Variants in PLXNA4 observed in about 807,000 individuals in gnomAD.
PLXNA4 encodes the protein plexin A4.
Under a neutral mutation model 191.8 loss-of-function variants are expected in PLXNA4, and 44 were observed. The observed-to-expected ratio is 0.23, with a 90% confidence interval of 0.18 to 0.29. The LOEUF is 0.29. PLXNA4 is among the 10% of genes least tolerant of loss of function. PLXNA4 has a pLI of 1.00. For synonymous variants in PLXNA4, 1,082 were observed against 1,009.5 expected (o/e 1.07, Z -1.36); for missense variants, 1,800 against 2,488.8 (o/e 0.72, Z 5.89).
chr7:132,191,165 T>C (rs111317882), intron 14 of PLXNA4, among the ~76,000 whole-genome samples: 3,950 of 152,068 alleles, frequency 0.026, 73 homozygotes, highest in South Asian at 0.055. Context: ...TTGGCTCTTC[T>C]TGAGGTGGCG....
At chr7:132,373,588 G>A (rs75580153) in intron 3 of PLXNA4, among the ~76,000 whole-genome samples, 2,068 of 152,242 alleles carry the variant, frequency 0.014, 42 homozygotes, top group African/African-American at 0.047. Flanking sequence ...CTCTAAAGCT[G>A]GGGAGTCTAC....
At chr7:132,352,715 C>A (rs143362291) in intron 3 of PLXNA4, among the ~76,000 whole-genome samples, 1 of 152,120 alleles carries the variant, frequency 6.6e-6, no homozygotes, top group African/African-American at 2.4e-5. Context: ...CATCCTCCTA[C>A]GTAAAATAGG....
intron 28 of PLXNA4, 64 bp from the exon 29 acceptor site, chr7:132,145,352 A>C: frequency 5.0e-6 from 8 of 1,601,644 alleles, no homozygotes; most frequent in Non-Finnish European, 6.8e-6. Context: ...GGCTTTTAAA[A>C]CCTGCCTCAC....
At chr7:132,638,225 A>G (rs1481983600) in intron 2 of PLXNA4, among the ~76,000 whole-genome samples, 1 of 152,228 alleles carries the variant, frequency 6.6e-6, no homozygotes, top group African/African-American at 2.4e-5. Flanking sequence ...GGCAGCTCTC[A>G]TGCCAGGCAC....
rs777244713 is a variant in PLXNA4, at chr7:132,139,858, C to G, written c.5438+741G>C. Among the ~76,000 whole-genome samples, 5 of 152,368 alleles carry G rather than the reference C, an allele frequency of 3.3e-5. No homozygotes were observed. The East Asian group carries it at 9.6e-4, about 29-fold the overall frequency. On this transcript the variant is annotated intron_variant, in intron 30 of 31. Coordinates refer to ENST00000321063, the MANE Select transcript of PLXNA4 (RefSeq NM_020911.2). ...AAAAGGAGCTTATAGTTCCTGTCCT[C>G]TCCCTAGTACAGGGCTTCTGTGATG...
At chr7:132,583,904 G>T (rs1047499919) in intron 2 of PLXNA4, among the ~76,000 whole-genome samples, 9 of 152,188 alleles carry the variant, frequency 5.9e-5, no homozygotes, top group Admixed American at 2.0e-4. Flanking sequence ...GGTTGGGGAG[G>T]GCCAATCGTG....
chr7:132,458,930 G>T (rs945782196), intron 3 of PLXNA4, among the ~76,000 whole-genome samples: 9 of 152,130 alleles, frequency 5.9e-5, no homozygotes, highest in African/African-American at 1.4e-4. Context: ...TGCAAATGAG[G>T]TTTGCCTATT....
chr7:132,263,136 G>T (rs545248945), intron 4 of PLXNA4, among the ~76,000 whole-genome samples: 1 of 152,182 alleles, frequency 6.6e-6, no homozygotes, highest in Non-Finnish European at 1.5e-5. Context: ...GGGAGGCTGA[G>T]CTTCTCCCCT....
chr7:132,611,256 C>T (rs1318014769), intron 2 of PLXNA4, among the ~76,000 whole-genome samples: 2 of 152,184 alleles, frequency 1.3e-5, no homozygotes, highest in Non-Finnish European at 2.9e-5. Flanking sequence ...AACATCTGCT[C>T]CCCAGAAGAT....
At chr7:132,608,230 A>G (rs1176331033) in intron 2 of PLXNA4, among the ~76,000 whole-genome samples, 1 of 152,204 alleles carries the variant, frequency 6.6e-6, no homozygotes, top group Non-Finnish European at 1.5e-5. Context: ...CACCATCACC[A>G]TCATCCTCAT....
intron 1 of PLXNA4, among the ~76,000 whole-genome samples, chr7:132,510,220 T>C (rs1405963187): frequency 6.6e-6 from 1 of 151,868 alleles, no homozygotes; most frequent in East Asian, 1.9e-4. Context: ...ACCTCAAAAG[T>C]AGAGAATGAG....
At chr7:132,555,119 C>G (rs559346003) in intron 1 of PLXNA4, among the ~76,000 whole-genome samples, 1 of 150,188 alleles carries the variant, frequency 6.7e-6, no homozygotes. Context: ...TAAGATATCA[C>G]TCCAGGTCCT....
At chr7:132,159,750 GGGA>G (rs1795893537) in intron 24 of PLXNA4, 118 bp from the exon 25 acceptor site, 3 of 1,500,366 alleles carry the variant, frequency 2.0e-6, no homozygotes, top group Non-Finnish European at 2.7e-6. Context: ...GGATGGGCTA[GGGA>G]GGAGTAGGGT....
intron 2 of PLXNA4, among the ~76,000 whole-genome samples, chr7:132,592,578 C>T (rs537152778): frequency 1.4e-4 from 21 of 149,568 alleles, no homozygotes; most frequent in African/African-American, 4.2e-4. Context: ...ATTAAATTCT[C>T]GTTTAACGAT....
chr7:132,165,375 C>T (rs1796092337), intron 22 of PLXNA4, among the ~76,000 whole-genome samples, 175 bp from the exon 23 acceptor site: 1 of 152,198 alleles, frequency 6.6e-6, no homozygotes, highest in African/African-American at 2.4e-5. Context: ...CTCCTAGACG[C>T]CCCCATAATG....
intron 3 of PLXNA4, among the ~76,000 whole-genome samples, chr7:132,385,916 A>G (rs1423420941): frequency 2.0e-5 from 3 of 152,264 alleles, no homozygotes; most frequent in Non-Finnish European, 4.4e-5. Flanking sequence ...CTGGAATCAC[A>G]TCGTTTTTGA....
At chr7:132,429,283 T>C (rs1399635363) in intron 3 of PLXNA4, among the ~76,000 whole-genome samples, 1 of 152,202 alleles carries the variant, frequency 6.6e-6, no homozygotes, top group Non-Finnish European at 1.5e-5. Context: ...GGGTTACAAT[T>C]CACTGGTCCC....
chr7:132,629,899 G>A (rs945879553), intron 2 of PLXNA4, among the ~76,000 whole-genome samples: 2 of 151,952 alleles, frequency 1.3e-5, no homozygotes, highest in Admixed American at 1.3e-4. Flanking sequence ...ACCCAGGCTG[G>A]AGTGCAGTGG....
At chr7:132,367,327 A>G (rs1804226973) in intron 3 of PLXNA4, among the ~76,000 whole-genome samples, 1 of 152,178 alleles carries the variant, frequency 6.6e-6, no homozygotes, top group Non-Finnish European at 1.5e-5. Flanking sequence ...GTCATGGACT[A>G]TGACCAAAGA....
Sources: gnomAD v4.1 joint callset for allele counts (sites outside exome capture counted in the v4.1 genomes callset) on GRCh38, gnomAD v4.1.1 for gene constraint, MANE v1.5 for transcripts, NCBI Gene and HGNC (gene_info 2026-07-23, HGNC 2026-07-21) for gene names.